Variants in LETMD1 observed in about 807,000 individuals in gnomAD.
The protein encoded by LETMD1 is LETM1 domain containing 1, also known as LETM1 domain-containing protein 1.
In LETMD1, 30 loss-of-function variants were observed where a neutral mutation model predicts 43.9. The ratio of observed to expected loss-of-function variants is 0.68; its 90% CI spans 0.51 to 0.93. The LOEUF (loss-of-function observed/expected upper bound fraction) is 0.93, where lower values mean the gene tolerates loss of function less well. LETMD1 is among the 40% of genes least tolerant of loss of function. The pLI, the probability that LETMD1 is intolerant of heterozygous loss-of-function variation, is 0.00. For synonymous variants in LETMD1, 176 were observed against 163.1 expected (o/e 1.08, Z -0.60); for missense variants, 413 against 447.7 (o/e 0.92, Z 0.70).
At chr12:51,052,745 C>T (rs1055408819) in intron 3 of LETMD1, among the ~76,000 whole-genome samples, 1 of 151,430 alleles carries the variant, frequency 6.6e-6, no homozygotes, top group South Asian at 2.1e-4. Flanking sequence ...CATGCCATTG[C>T]ACTCCAGCCT....
chr12:51,063,898 G>A (rs1271369274), downstream of LETMD1: 1 of 1,613,944 alleles, frequency 6.2e-7, no homozygotes, highest in Non-Finnish European at 8.5e-7. Flanking sequence ...TCATTTTCAG[G>A]CTCCTCAGGG....
downstream of LETMD1, among the ~76,000 whole-genome samples, chr12:51,060,901 C>CAAAA (rs35850463): frequency 3.2e-4 from 21 of 65,450 alleles, no homozygotes; most frequent in African/African-American, 9.9e-4. Context: ...GATTCTGTCT[C>CAAAA]AAAAAAAAAA....
At chr12:51,050,519 C>T (rs769517744) in intron 2 of LETMD1, among the ~76,000 whole-genome samples, 8 of 151,640 alleles carry the variant, frequency 5.3e-5, no homozygotes, top group Non-Finnish European at 1.0e-4. Flanking sequence ...CCGCGCCCGG[C>T]CAACTATTAT....
At chr12:51,064,194 G>C, downstream of LETMD1, 1 of 1,614,170 alleles carries the variant, frequency 6.2e-7, no homozygotes, top group South Asian at 1.1e-5. Context: ...TGAGTTCTCG[G>C]TAAAACACAG....
intron 2 of LETMD1, among the ~76,000 whole-genome samples, chr12:51,050,308 T>A (rs1566090012): frequency 6.6e-6 from 1 of 151,738 alleles, no homozygotes; most frequent in African/African-American, 2.4e-5. Flanking sequence ...CTGCAACCTC[T>A]GCTTCCCGGA....
At chr12:51,066,271 G>A in the LETMD1 span, among the ~76,000 whole-genome samples, 1 of 152,060 alleles carries the variant, frequency 6.6e-6, no homozygotes, top group East Asian at 1.9e-4. Context: ...TGGCCTACAT[G>A]GTGAAACGCC....
downstream of LETMD1, among the ~76,000 whole-genome samples, chr12:51,060,850 C>T (rs573224007): frequency 1.0e-4 from 15 of 143,620 alleles, no homozygotes; most frequent in African/African-American, 4.0e-4. Context: ...TGCAGTGAGC[C>T]GAGATTACGA....
At chr12:51,050,276 G>A (rs911399047) in intron 2 of LETMD1, among the ~76,000 whole-genome samples, 3 of 149,360 alleles carry the variant, frequency 2.0e-5, no homozygotes, top group African/African-American at 7.4e-5. Flanking sequence ...AGGCTGGAGT[G>A]CAATGGCATG....
intron 2 of LETMD1, among the ~76,000 whole-genome samples, chr12:51,051,511 G>C (rs10783411): frequency 0.89 from 135,053 of 152,084 alleles, 60,254 homozygotes; most frequent in East Asian, 0.98. Flanking sequence ...AGTTAAAGAC[G>C]AGCCTGTCCA....
At chr12:51,051,036 A>C (rs1286313412) in intron 2 of LETMD1, among the ~76,000 whole-genome samples, 4 of 151,744 alleles carry the variant, frequency 2.6e-5, no homozygotes, top group African/African-American at 7.3e-5. Context: ...GAAAAGAAAA[A>C]AATTAGATGC....
chr12:51,063,709 A>G (rs767181790), downstream of LETMD1: 2 of 1,448,730 alleles, frequency 1.4e-6, no homozygotes, highest in East Asian at 4.7e-5. Context: ...AAGGGAATAA[A>G]TAGAGAATGG....
intron 3 of LETMD1, among the ~76,000 whole-genome samples, chr12:51,053,508 C>T (rs761691867): frequency 3.3e-5 from 5 of 151,910 alleles, no homozygotes; most frequent in Non-Finnish European, 4.4e-5. Flanking sequence ...CCTAGAGTGG[C>T]GGCTTATGCC....
At chr12:51,064,000 C>G, downstream of LETMD1, 1 of 1,614,138 alleles carries the variant, frequency 6.2e-7, no homozygotes, top group Non-Finnish European at 8.5e-7. Flanking sequence ...CTACAAGCCA[C>G]GAGTGAGGTA....
intron 3 of LETMD1, 165 bp downstream of exon 3, chr12:51,052,372 A>G: frequency 1.3e-6 from 1 of 747,818 alleles, no homozygotes; most frequent in African/African-American, 1.8e-5. Context: ...TATTTGTAAG[A>G]ATTGGGTTCA....
In LETMD1 at chr12:51,056,002, T is replaced by G; in HGVS notation, c.641T>G (p.Leu214Arg). Residue 214 changes from leucine to arginine, a missense_variant, in exon 5 of 9, where the codon CTG (leucine) becomes CGG (arginine). Transcript: ENST00000262055. ...LISDAGLRWR[L>R]TDLCTKIQRG... ...TCTGATGCAGGACTCCGGTGGCGTCTGACAGATCTGTGCACCAAGGTATTC... is the reference window on the plus strand; with the variant it reads ...TCTGATGCAGGACTCCGGTGGCGTCGGACAGATCTGTGCACCAAGGTATTC... 1 of 1,613,942 alleles carries G rather than the reference T, an allele frequency of 6.2e-7. No individual in the cohort carries two copies. The highest frequency in any genetic ancestry group is 8.5e-7 in the Non-Finnish European group (1 of 1,179,914).
chr12:51,056,092 G>A, intron 5 of LETMD1, 52 bp from the exon 6 acceptor site: 1 of 1,608,474 alleles, frequency 6.2e-7, no homozygotes, highest in South Asian at 1.1e-5. Flanking sequence ...AACTAGGTAA[G>A]AGGAGTAGTC....
downstream of LETMD1, chr12:51,063,937 G>T: frequency 6.2e-7 from 1 of 1,613,418 alleles, no homozygotes; most frequent in Non-Finnish European, 8.5e-7. Flanking sequence ...AGAGCTTCTA[G>T]GGTGGGTGTT....
chr12:51,055,778 C>T, intron 4 of LETMD1, 57 bp from the exon 5 acceptor site: 2 of 1,282,406 alleles, frequency 1.6e-6, no homozygotes, highest in South Asian at 1.5e-5. Flanking sequence ...CTTTCTTTGG[C>T]TTCCTCTGAA....
At chr12:51,050,278 A>G (rs371775844) in intron 2 of LETMD1, among the ~76,000 whole-genome samples, 2 of 150,698 alleles carry the variant, frequency 1.3e-5, no homozygotes, top group African/African-American at 2.4e-5. Flanking sequence ...GCTGGAGTGC[A>G]ATGGCATGAT....
Sources: gnomAD v4.1 joint callset for allele counts (sites outside exome capture counted in the v4.1 genomes callset) on GRCh38, gnomAD v4.1.1 for gene constraint, MANE v1.5 for transcripts, NCBI Gene and HGNC (gene_info 2026-07-23, HGNC 2026-07-21) for gene names.